TTYH2: variants seen among roughly 807,000 people sequenced by gnomAD.
TTYH2 encodes the protein protein tweety homolog 2.
TTYH2 carries 49 observed loss-of-function variants against 68.3 expected under a neutral mutation model. That is an observed-to-expected ratio of 0.72 (90% CI 0.57 to 0.91). The LOEUF is 0.91. Ranked by LOEUF, TTYH2 falls within the 40% of genes least tolerant of loss-of-function variation. The pLI is 0.00. For synonymous variants in TTYH2, 272 were observed against 300.8 expected, an observed-to-expected ratio of 0.90 and a Z score of 0.99; for missense variants, 631 against 700.4, an observed-to-expected ratio of 0.90 and a Z score of 1.12.
chr17:74,258,557 G>A (rs746765157), intron 13 of TTYH2, among the ~76,000 whole-genome samples: 52 of 152,210 alleles, frequency 3.4e-4, no homozygotes, highest in Non-Finnish European at 5.7e-4. Flanking sequence ...GTGAGCCACC[G>A]TGCCTGGCCG....
Position 74,214,202 on chromosome 17 carries a change from G to C in TTYH2, c.129+486G>C, listed in dbSNP as rs1217075279. Among the ~76,000 whole-genome samples, 2 of 152,180 alleles carry C rather than the reference G, an allele frequency of 1.3e-5. No homozygotes were observed. Among genetic ancestry groups the C allele is most frequent in the African/African-American group, 4.8e-5 (2 of 41,434 alleles). ...GCAGAAACTGAGTAGAGTCTCCCGA[G>C]TCGGTCTTCGCAGCACCCCTCCTCC... On this transcript the variant is annotated intron_variant, in intron 1 of 13. Transcript: ENST00000269346. This position sits in a 1 kb window ranked among gnomAD's most constrained non-coding sequence, Gnocchi z 4.6.
chr17:74,225,065 G>A (rs1462068514), intron 2 of TTYH2, among the ~76,000 whole-genome samples: 3 of 152,062 alleles, frequency 2.0e-5, no homozygotes, highest in Non-Finnish European at 4.4e-5. Flanking sequence ...GCATAGAAGT[G>A]GATGGCCCAC....
chr17:74,233,069 G>A (rs757052046), intron 3 of TTYH2, among the ~76,000 whole-genome samples: 3 of 152,168 alleles, frequency 2.0e-5, no homozygotes, highest in South Asian at 2.1e-4. Flanking sequence ...TCAGCCCCTC[G>A]TCCTCTCCGT....
In TTYH2 at chr17:74,260,909, A is replaced by T. The variant is rs2050744286; in HGVS notation, c.*700A>T. 6.5e-6 allele frequency: 1 copy of T among 153,140 alleles called. No individual in the cohort carries two copies. The highest frequency in any genetic ancestry group is 2.4e-5 in the African/African-American group (1 of 41,458). 9.5% of individuals were successfully genotyped at this position (153,140 alleles called of 1,614,324 possible). ...CCTGCCACATTCCGCCTGTCTCCCT[A>T]ACCCTCCATTGCCTCGCCTCTATTC... On this transcript the variant is annotated 3_prime_UTR_variant, in exon 14 of 14. Transcript: ENST00000269346.
chr17:74,243,298 G>A (rs1041616089), intron 4 of TTYH2, 76 bp from the exon 5 acceptor site: 24 of 1,215,488 alleles, frequency 2.0e-5, no homozygotes, highest in East Asian at 9.3e-5. Context: ...CAGGGCTGCC[G>A]TGCAGGCCTC....
chr17:74,249,457 A>G (rs2050595776), intron 8 of TTYH2, 58 bp downstream of exon 8: 5 of 1,587,014 alleles, frequency 3.2e-6, no homozygotes, highest in Non-Finnish European at 4.3e-6. Flanking sequence ...CTTGACCCTA[A>G]GCCTCACCAC....
chr17:74,243,074 G>A lies in TTYH2; in HGVS notation c.636-300G>A, dbSNP rs561378497. ...TGTGGGTAGTGGCAAAGAAGAGAGTGGACAGCAGGGATTTAGAACAGCTCC... is the reference window on the plus strand; with the variant it reads ...TGTGGGTAGTGGCAAAGAAGAGAGTAGACAGCAGGGATTTAGAACAGCTCC... On this transcript the variant is annotated intron_variant, in intron 4 of 13. Coordinates refer to ENST00000269346, the MANE Select transcript of TTYH2 (RefSeq NM_032646.6). Among the ~76,000 whole-genome samples, 8 of 152,312 alleles carry A rather than the reference G, an allele frequency of 5.3e-5. No individual in the cohort carries two copies. In the South Asian group the frequency reaches 1.7e-3, roughly 32 times the overall value.
Position 74,253,746 on chromosome 17 carries a change from T to C in TTYH2, c.1446-9T>C. 1.2e-6 allele frequency: 2 copies of C among 1,613,888 alleles called. No individual in the cohort carries two copies. Among genetic ancestry groups the C allele is most frequent in the Non-Finnish European group, 1.7e-6 (2 of 1,179,972 alleles). On this transcript the variant is annotated splice_polypyrimidine_tract_variant and intron_variant, in intron 12 of 13. Coordinates refer to ENST00000269346, the MANE Select transcript of TTYH2 (RefSeq NM_032646.6). Reference sequence around the variant, plus strand: ...CATCCCCTCCTGAGCTCTCCTCTCATCCCCGCAGGAACCAAGCCATGCTCT... The same window carrying C: ...CATCCCCTCCTGAGCTCTCCTCTCACCCCCGCAGGAACCAAGCCATGCTCT...
chr17:74,218,402 G>A (rs2050242063), intron 1 of TTYH2, among the ~76,000 whole-genome samples: 2 of 152,122 alleles, frequency 1.3e-5, no homozygotes, highest in Admixed American at 6.5e-5. Context: ...GCTGGGCAGG[G>A]TGGCTCATGC....
In TTYH2 at chr17:74,218,759, G is replaced by A. The variant is rs965705761; in HGVS notation, c.130-3726G>A. Among the ~76,000 whole-genome samples, 4 of 152,142 alleles carry A rather than the reference G, an allele frequency of 2.6e-5. No homozygotes were observed. In the East Asian group the frequency reaches 5.8e-4, roughly 22 times the overall value. The stretch of plus-strand genomic sequence containing the variant: ...ACCCACAGCCTGATCCTTCTCGGAC[G>A]AGCCTTCCTTGCTGGGTGGGGACAT... On this transcript the variant is annotated intron_variant, in intron 1 of 13. Coordinates refer to ENST00000269346, the MANE Select transcript of TTYH2 (RefSeq NM_032646.6).
In TTYH2 at chr17:74,232,925, A is replaced by G. The variant is rs897197223; in HGVS notation, c.414+1926A>G. On this transcript the variant is annotated intron_variant, in intron 3 of 13. Coordinates refer to ENST00000269346, the MANE Select transcript of TTYH2 (RefSeq NM_032646.6). The surrounding 1 kb of genome is among the most constrained non-coding windows in gnomAD (Gnocchi z 5.1). ...CATGGCCTGATGGTGCTCCAGGGCCAGGTTTGGACATTTCACAGCAGGTTC... is the reference window on the plus strand; with the variant it reads ...CATGGCCTGATGGTGCTCCAGGGCCGGGTTTGGACATTTCACAGCAGGTTC... Among the ~76,000 whole-genome samples, 1 of 152,120 alleles carries G rather than the reference A, an allele frequency of 6.6e-6. No homozygotes were observed. Among genetic ancestry groups the G allele is most frequent in the Non-Finnish European group, 1.5e-5 (1 of 68,000 alleles).
In TTYH2 at chr17:74,261,305, A is replaced by G. The variant is rs1011846813; in HGVS notation, c.*1096A>G. 6.6e-6 allele frequency: 1 copy of G among 152,252 alleles called. No homozygotes were observed. Among genetic ancestry groups the G allele is most frequent in the Non-Finnish European group, 1.5e-5 (1 of 68,064 alleles). The allele number at this position is 152,252 out of a possible 1,614,324, so 9.4% of individuals were successfully genotyped here. A position where few individuals can be genotyped will look rare whatever the true frequency, so the allele number is the denominator to read the frequency against. On this transcript the variant is annotated 3_prime_UTR_variant, in exon 14 of 14. Coordinates refer to ENST00000269346, the MANE Select transcript of TTYH2 (RefSeq NM_032646.6). ...TCTTTAAGAGGAGAAAAAAGCCAAG[A>G]GGGAAAGCCAGAGTTCCCTGTTCTA...
chr17:74,216,318 G>A (rs1438852366), intron 1 of TTYH2, among the ~76,000 whole-genome samples: 1 of 152,178 alleles, frequency 6.6e-6, no homozygotes, highest in Non-Finnish European at 1.5e-5. Flanking sequence ...TGCTGGCTGT[G>A]TGGGGTGTGG....
At chr17:74,243,277 C>T (rs1225999532) in intron 4 of TTYH2, 97 bp from the exon 5 acceptor site, 20 of 990,960 alleles carry the variant, frequency 2.0e-5, no homozygotes, top group Non-Finnish European at 6.4e-6. Flanking sequence ...AGTAGAGGGT[C>T]CAGTGTGTCC....
At chr17:74,250,069 C>G (rs771941783) in intron 9 of TTYH2, 41 bp downstream of exon 9, 1 of 1,602,990 alleles carries the variant, frequency 6.2e-7, no homozygotes. Context: ...CCAGATGAAC[C>G]CTGACAGCCC....
intron 2 of TTYH2, among the ~76,000 whole-genome samples, chr17:74,224,994 G>T (rs371679770): frequency 7.3e-6 from 1 of 137,578 alleles, no homozygotes; most frequent in Admixed American, 7.4e-5. Context: ...GTCAGACTCC[G>T]TCTCAAAAAA....
intron 12 of TTYH2, 93 bp from the exon 13 acceptor site, chr17:74,253,662 C>A: frequency 1.6e-6 from 2 of 1,254,992 alleles, no homozygotes; most frequent in Non-Finnish European, 2.3e-6. Flanking sequence ...CCCCCACCTC[C>A]CATGTGCTCA....
chr17:74,253,160 AG>A lies in TTYH2; in HGVS notation c.1343del (p.Gly448AspfsTer35), dbSNP rs763043028. ...GCGCATGGCGGCTCACAGTCCCCCG[AG>A]GGGACAGCTTCACAGCTTCTGCAGC... ...AWRMAAHSPP[R>X]GQLHSFCSYS... On this transcript the variant is annotated frameshift_variant, in exon 12 of 14. Transcript: ENST00000269346. LOFTEE classifies it high-confidence loss of function. The A allele has an allele frequency of 6.2e-7, 1 of 1,613,966 alleles. No individual in the cohort carries two copies. The highest frequency in any genetic ancestry group is 8.5e-7 in the Non-Finnish European group (1 of 1,179,950).
chr17:74,241,819 G>A lies in TTYH2; in HGVS notation c.636-1555G>A, dbSNP rs115215364. On this transcript the variant is annotated intron_variant, in intron 4 of 13. Transcript: ENST00000269346. The surrounding 1 kb of genome is among the most constrained non-coding windows in gnomAD (Gnocchi z 4.1). ...CCGCCCCTCCTCTGTCCACTCTCCC[G>A]CTGGTGCCCAGCACAGGGTAAAGGG... is the stretch of plus-strand genomic sequence containing the variant. Among the ~76,000 whole-genome samples the A allele has an allele frequency of 6.6e-6, 1 of 152,152 alleles. No individual in the cohort carries two copies. The highest frequency in any genetic ancestry group is 1.5e-5 in the Non-Finnish European group (1 of 68,034).
Sources: allele counts gnomAD v4.1 joint callset (sites outside exome capture counted in the v4.1 genomes callset), GRCh38; gene constraint gnomAD v4.1.1; non-coding constraint Gnocchi (gnomAD v3.1); transcripts MANE v1.5; gene names NCBI Gene and HGNC (gene_info 2026-07-23, HGNC 2026-07-21).